PNPLA7: variants seen among roughly 807,000 people sequenced by gnomAD.
The protein encoded by PNPLA7 is patatin like domain 7, lysophospholipase.
Under a neutral mutation model 161.7 loss-of-function variants are expected in PNPLA7, and 153 were observed. That is an observed-to-expected ratio of 0.95 (90% confidence interval 0.83 to 1.08). PNPLA7 has a LOEUF of 1.08. Among genes scored for constraint, PNPLA7 ranks in the 50% least tolerant of loss-of-function variants. PNPLA7 has a pLI of 0.00. For missense variants in PNPLA7, 1,739 were observed against 1,856.6 expected, an observed-to-expected ratio of 0.94 and a Z score of 1.16; for synonymous variants, 809 against 782.1, an observed-to-expected ratio of 1.03 and a Z score of -0.57.
chr9:137,543,444 A>T lies in PNPLA7; in HGVS notation c.494T>A (p.Leu165Gln), dbSNP rs1017439726. ...SHLPSEVLYM[L>Q]KNVRVLGHFE... The stretch of plus-strand genomic sequence containing the variant: ...TCCCCGCTCTTACCGAACGTTTTTC[A>T]GCATGTACAGAACTTCCGATGGCAG... The change falls in exon 6 of 35, where the codon CTG becomes CAG. Residue 165 changes from leucine (L) to glutamine (Q), a missense_variant. Around this residue, in one of 6 missense-constraint regions of PNPLA7, gnomAD observed 209 missense variants for 252.8 expected, o/e 0.83. Transcript: ENST00000406427. The surrounding 1 kb of genome is among the most constrained non-coding windows in gnomAD (Gnocchi z 6.9). The T allele has an allele frequency of 6.2e-7, 1 of 1,614,082 alleles. No individual in the cohort carries two copies. Among genetic ancestry groups the T allele is most frequent in the Non-Finnish European group, 8.5e-7 (1 of 1,180,026 alleles).
chr9:137,477,732 G>A (rs1020341374), intron 25 of PNPLA7, among the ~76,000 whole-genome samples: 3 of 152,184 alleles, frequency 2.0e-5, no homozygotes, highest in Non-Finnish European at 4.4e-5. Flanking sequence ...CGTGACCCAC[G>A]CGCCCGGCCC....
rs1216981021 is a variant in PNPLA7, at chr9:137,490,658, A to G, written c.2197+2355T>C. 6.6e-6 allele frequency among the ~76,000 whole-genome samples: 1 copy of G among 152,226 alleles called. No individual in the cohort carries two copies. Among genetic ancestry groups the G allele is most frequent in the Non-Finnish European group, 1.5e-5 (1 of 68,030 alleles). ...TCTGCAGCCATCAGACCTTCTCTGAAAGAACCGCTAACCACAATTCTTCAA... is the reference window on the plus strand; with the variant it reads ...TCTGCAGCCATCAGACCTTCTCTGAGAGAACCGCTAACCACAATTCTTCAA... On this transcript the variant is annotated intron_variant, in intron 20 of 34. Transcript: ENST00000406427. The surrounding 1 kb of genome is among the most constrained non-coding windows in gnomAD (Gnocchi z 4.1).
At chr9:137,522,345 G>A (rs185431339) in intron 9 of PNPLA7, among the ~76,000 whole-genome samples, 3,225 of 149,938 alleles carry the variant, frequency 0.022, 105 homozygotes, top group Non-Finnish European at 0.017. Flanking sequence ...CAGTGCTGGG[G>A]TTACAGGCGG....
At chr9:137,478,424 C>CCGGGTGGGGGGCCAGAGAGTGGGCT in intron 24 of PNPLA7, 1 of 337,166 alleles carries the variant, frequency 3.0e-6, no homozygotes, top group Non-Finnish European at 5.3e-6. Flanking sequence ...GAGAGTGGGC[C>CCGGGTGGGGGGCCAGAGAGTGGGCT]CGGGTGGGGG....
chr9:137,538,880 C>T (rs1424708472), intron 8 of PNPLA7, among the ~76,000 whole-genome samples: 3 of 151,954 alleles, frequency 2.0e-5, no homozygotes, highest in African/African-American at 2.4e-5. Context: ...GGTGAAACCC[C>T]GTCTGTACTA....
intron 11 of PNPLA7, among the ~76,000 whole-genome samples, chr9:137,517,712 C>A (rs1191331393): frequency 4.7e-5 from 4 of 85,298 alleles, no homozygotes; most frequent in African/African-American, 1.2e-4. Context: ...ACTCCATCCC[C>A]CACTCACTCA....
chr9:137,547,615 C>T lies in PNPLA7; in HGVS notation c.75G>A (p.Trp25Ter). ...TGGACGGTGAACCTTCCTCCGTGAA[C>T]CACAGTCCCCAAGAGTGCAGGGCGG... ...LGTALHSWGL[W>*]FTEEGSPSTM... Residue 25 changes from tryptophan to a stop codon, truncating the protein, a stop_gained, in exon 2 of 35, where the codon TGG becomes TGA. Coordinates refer to ENST00000406427, the MANE Select transcript of PNPLA7 (RefSeq NM_001098537.3). LOFTEE classifies it high-confidence loss of function. This position sits in a 1 kb window ranked among gnomAD's most constrained non-coding sequence, Gnocchi z 4.6. 1 of 1,613,242 alleles carries T rather than the reference C, an allele frequency of 6.2e-7. No homozygotes were observed. The highest frequency in any genetic ancestry group is 8.5e-7 in the Non-Finnish European group (1 of 1,179,872).
intron 4 of PNPLA7, 80 bp downstream of exon 4, chr9:137,546,750 G>A: frequency 6.7e-6 from 9 of 1,340,082 alleles, no homozygotes; most frequent in Non-Finnish European, 9.5e-6. Context: ...GCCTGGGGGA[G>A]CCCACAGCAG....
chr9:137,548,350 GGGAA>G (rs1166500234), intron 1 of PNPLA7, among the ~76,000 whole-genome samples: 1 of 152,198 alleles, frequency 6.6e-6, no homozygotes, highest in African/African-American at 2.4e-5. Context: ...GATAGGGCAG[GGGAA>G]GCCACTGGTT....
chr9:137,544,713 G>C (rs1836394169), intron 4 of PNPLA7, among the ~76,000 whole-genome samples: 1 of 152,060 alleles, frequency 6.6e-6, no homozygotes, highest in Non-Finnish European at 1.5e-5. Flanking sequence ...GCACGATCTC[G>C]ACTCACTACA....
intron 12 of PNPLA7, 29 bp from the exon 13 acceptor site, chr9:137,506,112 G>A (rs777490288): frequency 1.6e-5 from 25 of 1,579,406 alleles, no homozygotes; most frequent in East Asian, 2.3e-5. Flanking sequence ...CTCAGGACAC[G>A]GTTCGCTAGG....
At chr9:137,477,589 C>T (rs1445602475) in intron 25 of PNPLA7, among the ~76,000 whole-genome samples, 4 of 152,160 alleles carry the variant, frequency 2.6e-5, no homozygotes, top group East Asian at 1.9e-4. Context: ...GCTGGGACTA[C>T]AGGTGCGCGC....
chr9:137,547,179 A>G lies in PNPLA7; in HGVS notation c.193+130T>C. 11 of 952,900 alleles carry G rather than the reference A, an allele frequency of 1.2e-5. No individual in the cohort carries two copies. The highest frequency in any genetic ancestry group is 1.8e-5 in the Non-Finnish European group (11 of 605,868). The allele number at this position is 952,900 out of a possible 1,614,324, so 59.0% of individuals were successfully genotyped here. ...GAACCGACGGGCTCAGCCTGAGCCCAGACGGGCCATCAGATTCTAGCCAAA... is the reference window on the plus strand; with the variant it reads ...GAACCGACGGGCTCAGCCTGAGCCCGGACGGGCCATCAGATTCTAGCCAAA... On this transcript the variant is annotated intron_variant, in intron 3 of 34. Transcript: ENST00000406427. The surrounding 1 kb of genome is among the most constrained non-coding windows in gnomAD (Gnocchi z 4.6).
At chr9:137,491,095 A>C (rs58416651) in intron 20 of PNPLA7, among the ~76,000 whole-genome samples, 3,119 of 152,320 alleles carry the variant, frequency 0.02, 112 homozygotes, top group African/African-American at 0.071. Flanking sequence ...TTCAAGTAAC[A>C]TAAGAGTAGA....
At position 137,460,277 on chromosome 9, in the gene PNPLA7, G is replaced by A. The variant is rs919066464; in HGVS notation, c.*116C>T. The A allele has an allele frequency of 1.6e-5, 17 of 1,065,110 alleles. No individual in the cohort carries two copies. In the South Asian group the frequency reaches 1.7e-4, roughly 11 times the overall value. The allele number at this position is 1,065,110 out of a possible 1,614,324, so 66.0% of individuals were successfully genotyped here. On this transcript the variant is annotated 3_prime_UTR_variant, in exon 35 of 35. Coordinates refer to ENST00000406427, the MANE Select transcript of PNPLA7 (RefSeq NM_001098537.3). The stretch of plus-strand genomic sequence containing the variant: ...AACCCTAACACAGCCTGGGGCCCCG[G>A]GGAAGTCAGGGCTTCCAGCAGGGCA...
In PNPLA7 at chr9:137,467,253, G is replaced by T; in HGVS notation, c.3039+64C>A. On this transcript the variant is annotated intron_variant, in intron 26 of 34. Transcript: ENST00000406427. This position sits in a 1 kb window ranked among gnomAD's most constrained non-coding sequence, Gnocchi z 5.1. Reference sequence around the variant, plus strand: ...ACATGCAGAGGCCAACGGCCCCAGCGTCCCCCAGCACCAGCAAGGACCTGG... The same window carrying T: ...ACATGCAGAGGCCAACGGCCCCAGCTTCCCCCAGCACCAGCAAGGACCTGG... 1 of 1,528,058 alleles carries T rather than the reference G, an allele frequency of 6.5e-7. No homozygotes were observed. The highest frequency in any genetic ancestry group is 8.8e-7 in the Non-Finnish European group (1 of 1,133,824). The allele number at this position is 1,528,058 out of a possible 1,614,324, so 94.7% of individuals were successfully genotyped here.
chr9:137,481,425 C>T (rs750344526), intron 21 of PNPLA7, among the ~76,000 whole-genome samples: 4 of 152,218 alleles, frequency 2.6e-5, no homozygotes, highest in African/African-American at 4.8e-5. Context: ...AGGTGCCAGA[C>T]GCCAAGAGGC....
At chr9:137,481,170 A>C (rs1832201656) in intron 21 of PNPLA7, 147 bp from the exon 22 acceptor site, 1 of 799,588 alleles carries the variant, frequency 1.3e-6, no homozygotes, top group African/African-American at 1.7e-5. Flanking sequence ...GTGAGAGTCC[A>C]CTCCCCAACC....
intron 8 of PNPLA7, among the ~76,000 whole-genome samples, chr9:137,538,217 C>A (rs1835996869): frequency 6.6e-6 from 1 of 152,224 alleles, no homozygotes. Flanking sequence ...CCTCCCCAGG[C>A]CGGCAGCCTC....
Sources: allele counts gnomAD v4.1 joint callset (sites outside exome capture counted in the v4.1 genomes callset), GRCh38; gene constraint gnomAD v4.1.1; regional missense constraint gnomAD v4.1.1; non-coding constraint Gnocchi (gnomAD v3.1); transcripts MANE v1.5; gene names NCBI Gene and HGNC (gene_info 2026-07-23, HGNC 2026-07-21).